Variants in KHDRBS2 observed in about 807,000 individuals in gnomAD.
KHDRBS2 encodes the protein KH domain-containing, RNA-binding, signal transduction-associated protein 2.
In KHDRBS2, 26 loss-of-function variants were observed where a neutral mutation model predicts 44.3. That is an observed-to-expected ratio of 0.59 (90% CI 0.43 to 0.81). The LOEUF (loss-of-function observed/expected upper bound fraction) is 0.81, where lower values mean the gene tolerates loss of function less well. KHDRBS2 is among the 40% of genes least tolerant of loss of function. The pLI is 0.00. For synonymous variants in KHDRBS2, 194 were observed against 151.1 expected (o/e 1.28, Z -2.08); for missense variants, 476 against 433.1 (o/e 1.10, Z -0.88).
At chr6:62,233,445 C>T (rs894146676) in intron 1 of KHDRBS2, among the ~76,000 whole-genome samples, 3 of 152,108 alleles carry the variant, frequency 2.0e-5, no homozygotes, top group African/African-American at 7.2e-5. Flanking sequence ...GAGATTTAAT[C>T]TAAGTTGTCT....
chr6:61,542,746 G>C, the KHDRBS2 span, among the ~76,000 whole-genome samples: 1 of 151,794 alleles, frequency 6.6e-6, no homozygotes, highest in Non-Finnish European at 1.5e-5. Context: ...GGAAAACCCT[G>C]ATACCAATTA....
At chr6:61,754,481 T>C (rs780249308) in intron 6 of KHDRBS2, among the ~76,000 whole-genome samples, 5 of 152,024 alleles carry the variant, frequency 3.3e-5, no homozygotes, top group Non-Finnish European at 7.4e-5. Context: ...GTTACAAACC[T>C]GGACAACAAA....
chr6:61,544,192 G>C, the KHDRBS2 span, among the ~76,000 whole-genome samples: 5 of 151,950 alleles, frequency 3.3e-5, no homozygotes, highest in African/African-American at 1.2e-4. Flanking sequence ...TGCATTGTAT[G>C]CCTGTATCAA....
At chr6:61,716,233 AG>A (rs1165216897) in intron 7 of KHDRBS2, among the ~76,000 whole-genome samples, 2 of 151,994 alleles carry the variant, frequency 1.3e-5, no homozygotes, top group Non-Finnish European at 2.9e-5. Context: ...GTGCTAATTA[AG>A]GGACAAGCTG....
intron 2 of KHDRBS2, among the ~76,000 whole-genome samples, chr6:62,106,513 G>C (rs1803373349): frequency 6.6e-6 from 1 of 152,042 alleles, no homozygotes; most frequent in Non-Finnish European, 1.5e-5. Flanking sequence ...TTGGTGAATT[G>C]ATCCCTTTAC....
intron 6 of KHDRBS2, among the ~76,000 whole-genome samples, chr6:61,842,302 T>C (rs1793712531): frequency 6.6e-6 from 1 of 152,218 alleles, no homozygotes. Context: ...TGGTTGCTGC[T>C]GTGTAGGCTG....
chr6:61,945,427 C>G (rs1813169708), intron 4 of KHDRBS2, among the ~76,000 whole-genome samples: 1 of 151,674 alleles, frequency 6.6e-6, no homozygotes, highest in South Asian at 2.1e-4. Context: ...ACTTCTCCAT[C>G]TGTATCAGTT....
At chr6:61,617,728 C>T in the KHDRBS2 span, among the ~76,000 whole-genome samples, 1 of 151,828 alleles carries the variant, frequency 6.6e-6, no homozygotes, top group Non-Finnish European at 1.5e-5. Context: ...AGAATTGTGT[C>T]CAAATGAATG....
At chr6:61,894,012 A>C (rs1305622304) in intron 6 of KHDRBS2, among the ~76,000 whole-genome samples, 1 of 152,202 alleles carries the variant, frequency 6.6e-6, no homozygotes, top group African/African-American at 2.4e-5. Context: ...ACCACAATGT[A>C]ATTAGTGGAA....
intron 6 of KHDRBS2, among the ~76,000 whole-genome samples, chr6:61,804,823 C>T (rs1460580782): frequency 6.6e-6 from 1 of 152,146 alleles, no homozygotes; most frequent in Non-Finnish European, 1.5e-5. Context: ...TGGGCCTGGC[C>T]CACTAAACCA....
chr6:62,018,458 C>T (rs1781649448), intron 3 of KHDRBS2, among the ~76,000 whole-genome samples: 2 of 152,070 alleles, frequency 1.3e-5, no homozygotes, highest in Admixed American at 1.3e-4. Flanking sequence ...CGCCATTCTC[C>T]TGTCTCAGCC....
chr6:61,692,678 A>G (rs1283791907), intron 8 of KHDRBS2, among the ~76,000 whole-genome samples: 1 of 152,146 alleles, frequency 6.6e-6, no homozygotes, highest in Non-Finnish European at 1.5e-5. Flanking sequence ...GAAGGACTGA[A>G]TTTTTATTTC....
chr6:62,012,358 A>C (rs886810153), intron 3 of KHDRBS2, among the ~76,000 whole-genome samples: 7 of 152,156 alleles, frequency 4.6e-5, no homozygotes, highest in African/African-American at 1.4e-4. Context: ...TGTCCACTGT[A>C]GCAATTTCCT....
the KHDRBS2 span, among the ~76,000 whole-genome samples, chr6:61,585,087 A>T: frequency 6.6e-6 from 1 of 151,958 alleles, no homozygotes; most frequent in Non-Finnish European, 1.5e-5. Flanking sequence ...GGAGCGTCGA[A>T]AAGAGCTGCA....
At chr6:61,672,795 T>C in the KHDRBS2 span, among the ~76,000 whole-genome samples, 2 of 149,690 alleles carry the variant, frequency 1.3e-5, no homozygotes, top group Non-Finnish European at 3.0e-5. Flanking sequence ...ATTTTGTAGG[T>C]TGCCTGTTCA....
intron 1 of KHDRBS2, among the ~76,000 whole-genome samples, chr6:62,238,724 AT>A: frequency 6.6e-6 from 1 of 151,668 alleles, no homozygotes; most frequent in Non-Finnish European, 1.5e-5. Context: ...ACACACACAC[AT>A]ATATTTGAGT....
At chr6:62,029,941 CA>C (rs1784047598) in intron 3 of KHDRBS2, among the ~76,000 whole-genome samples, 2 of 151,782 alleles carry the variant, frequency 1.3e-5, no homozygotes, top group African/African-American at 4.8e-5. Flanking sequence ...GAGAAAAAAA[CA>C]GATACTATCA....
At chr6:61,582,028 T>C in the KHDRBS2 span, among the ~76,000 whole-genome samples, 1 of 151,748 alleles carries the variant, frequency 6.6e-6, no homozygotes, top group African/African-American at 2.4e-5. Context: ...ATCTTAGTTT[T>C]CAAAAAAGAT....
At chr6:61,588,755 G>C in the KHDRBS2 span, among the ~76,000 whole-genome samples, 5 of 152,076 alleles carry the variant, frequency 3.3e-5, no homozygotes, top group African/African-American at 1.2e-4. Context: ...CTGTGCCACT[G>C]TACTCCAGCA....
Sources: gnomAD v4.1 joint callset for allele counts (sites outside exome capture counted in the v4.1 genomes callset) on GRCh38, gnomAD v4.1.1 for gene constraint, MANE v1.5 for transcripts, NCBI Gene and HGNC (gene_info 2026-07-23, HGNC 2026-07-21) for gene names.